SAMD5: variants seen among roughly 807,000 people sequenced by gnomAD.
SAMD5 encodes sterile alpha motif domain containing 5.
SAMD5 carries 13 observed loss-of-function variants against 11.3 expected under a neutral mutation model. That is an observed-to-expected ratio of 1.15 (90% CI 0.75 to 1.83). SAMD5 has a LOEUF of 1.83. SAMD5 is among the 40% of genes most tolerant of loss of function. The pLI is 0.00. For synonymous variants in SAMD5, 129 were observed against 111.3 expected (o/e 1.16, Z -1.00); for missense variants, 255 against 239.1 (o/e 1.07, Z -0.44).
intron 1 of SAMD5, among the ~76,000 whole-genome samples, chr6:147,563,836 T>G (rs942095710): frequency 6.6e-6 from 1 of 152,282 alleles, no homozygotes; most frequent in Admixed American, 6.5e-5. Flanking sequence ...GGTTTTTACA[T>G]GCCTATGTGA....
At chr6:147,607,153 A>G (rs1291344296) in intron 1 of SAMD5, among the ~76,000 whole-genome samples, 3 of 152,126 alleles carry the variant, frequency 2.0e-5, no homozygotes. Flanking sequence ...ACTCTCATAG[A>G]AGTTTGAATT....
the SAMD5 span, among the ~76,000 whole-genome samples, chr6:147,844,723 T>C: frequency 0.41 from 61,077 of 150,742 alleles, 13,630 homozygotes; most frequent in African/African-American, 0.61. Flanking sequence ...TGAGCCTAGA[T>C]GATATTATGT....
the SAMD5 span, among the ~76,000 whole-genome samples, chr6:147,789,096 C>CAA: frequency 9.9e-6 from 1 of 100,986 alleles, no homozygotes; most frequent in African/African-American, 4.8e-5. Flanking sequence ...AACAAACAAA[C>CAA]AAACAAAAAA....
At position 147,520,831 on chromosome 6, in the gene SAMD5, C is replaced by T. The variant is rs890006841; in HGVS notation, c.459+11444C>T. On this transcript the variant is annotated intron_variant, in intron 1 of 1. Coordinates refer to ENST00000367474, the MANE Select transcript of SAMD5 (RefSeq NM_001030060.3). ...TTGTGAAATGATTAAATCAAGCTAG[C>T]TTATCCATTACCTCACATACTTACG... 3.8e-4 allele frequency among the ~76,000 whole-genome samples: 58 copies of T among 152,204 alleles called. 1 individual carries two copies. The highest frequency in any genetic ancestry group is 3.6e-3 in the Admixed American group (55 of 15,288).
chr6:147,540,729 GC>G (rs1788586559), intron 1 of SAMD5, among the ~76,000 whole-genome samples: 1 of 151,838 alleles, frequency 6.6e-6, no homozygotes, highest in Admixed American at 6.6e-5. Context: ...TCAAACCCTT[GC>G]AGAGAGACAA....
At chr6:147,871,684 C>G in the SAMD5 span, among the ~76,000 whole-genome samples, 4 of 152,184 alleles carry the variant, frequency 2.6e-5, no homozygotes. Context: ...TATCTAGAAC[C>G]TTAAGCAACT....
At chr6:147,856,821 C>CGG in the SAMD5 span, among the ~76,000 whole-genome samples, 36 of 59,182 alleles carry the variant, frequency 6.1e-4, no homozygotes, top group East Asian at 2.0e-3. Context: ...TCTGGGGGCG[C>CGG]GGGGGGGGGG....
chr6:147,878,328 AG>A, the SAMD5 span, among the ~76,000 whole-genome samples: 2 of 151,760 alleles, frequency 1.3e-5, no homozygotes, highest in African/African-American at 4.8e-5. Context: ...CTCTTTTATA[AG>A]GACTGCGTTT....
Position 147,711,349 on chromosome 6 carries a change from C to T in SAMD5, c.163-25968C>T, listed in dbSNP as rs1240343948. On this transcript the variant is annotated intron_variant, in intron 1 of 1. Transcript: ENST00000566741. The surrounding 1 kb of genome is among the most constrained non-coding windows in gnomAD (Gnocchi z 4.1). Reference sequence around the variant, plus strand: ...TGATCCCCCAACCTGACCCTGTGCTCCCTGTCCCATTTCTAGCCATATCAT... The same window carrying T: ...TGATCCCCCAACCTGACCCTGTGCTTCCTGTCCCATTTCTAGCCATATCAT... 2.0e-5 allele frequency among the ~76,000 whole-genome samples: 3 copies of T among 152,104 alleles called. No homozygotes were observed. The highest frequency in any genetic ancestry group is 7.2e-5 in the African/African-American group (3 of 41,420).
At chr6:147,887,628 C>G in the SAMD5 span, among the ~76,000 whole-genome samples, 2 of 152,220 alleles carry the variant, frequency 1.3e-5, no homozygotes, top group South Asian at 4.1e-4. Flanking sequence ...AAATAGAACT[C>G]TGTGAACATT....
intron 1 of SAMD5, among the ~76,000 whole-genome samples, chr6:147,686,863 C>T (rs1417932480): frequency 1.3e-5 from 2 of 152,082 alleles, no homozygotes; most frequent in African/African-American, 4.8e-5. Flanking sequence ...CAACCTTCTT[C>T]ACTGTGGGTT....
chr6:147,511,198 G>C (rs1788082820), intron 1 of SAMD5, among the ~76,000 whole-genome samples: 1 of 152,328 alleles, frequency 6.6e-6, no homozygotes, highest in South Asian at 2.1e-4. Context: ...GTGGGCTGGA[G>C]GTGAGAAGCG....
At chr6:147,870,838 G>A in the SAMD5 span, among the ~76,000 whole-genome samples, 2 of 150,456 alleles carry the variant, frequency 1.3e-5, no homozygotes, top group Admixed American at 6.7e-5. Flanking sequence ...GAGGGAGGGA[G>A]GAAGGAAGGA....
intron 1 of SAMD5, among the ~76,000 whole-genome samples, chr6:147,668,280 AC>A (rs1204744179): frequency 1.1e-4 from 17 of 152,230 alleles, no homozygotes; most frequent in Admixed American, 9.8e-4. Context: ...ATATTTATCT[AC>A]AATATGCTTT....
At chr6:147,790,396 T>C in the SAMD5 span, among the ~76,000 whole-genome samples, 1 of 152,222 alleles carries the variant, frequency 6.6e-6, no homozygotes, top group Non-Finnish European at 1.5e-5. Context: ...AAGTCCTTAA[T>C]ATCTAAAACC....
At chr6:147,749,579 G>A in the SAMD5 span, among the ~76,000 whole-genome samples, 1 of 152,190 alleles carries the variant, frequency 6.6e-6, no homozygotes, top group Admixed American at 6.5e-5. Flanking sequence ...AATGAATAAA[G>A]GAGTACGAAT....
chr6:147,560,269 G>A lies in SAMD5; in HGVS notation c.460-4125G>A, dbSNP rs966291442. On this transcript the variant is annotated intron_variant, in intron 1 of 1. Coordinates refer to ENST00000367474, the MANE Select transcript of SAMD5 (RefSeq NM_001030060.3). ...GTCCTATAGTAACAGCCAGTGTAAC[G>A]TAGCTGAATGTTGGAAAACTGAAGT... Among the ~76,000 whole-genome samples the A allele has an allele frequency of 3.9e-5, 6 of 152,104 alleles. No individual in the cohort carries two copies. The East Asian group carries it at 5.8e-4, about 15-fold the overall frequency.
At chr6:147,890,004 C>T in the SAMD5 span, among the ~76,000 whole-genome samples, 1 of 152,310 alleles carries the variant, frequency 6.6e-6, no homozygotes, top group Non-Finnish European at 1.5e-5. Flanking sequence ...GGAACCCACT[C>T]TCTGCACCAT....
the SAMD5 span, among the ~76,000 whole-genome samples, chr6:147,794,751 G>C: frequency 1.3e-5 from 2 of 152,138 alleles, no homozygotes; most frequent in Non-Finnish European, 2.9e-5. Flanking sequence ...GTAAAGAACA[G>C]ATGTACAATA....
Sources: gnomAD v4.1 joint callset for allele counts (sites outside exome capture counted in the v4.1 genomes callset) on GRCh38, gnomAD v4.1.1 for gene constraint, Gnocchi (gnomAD v3.1) non-coding constraint, MANE v1.5 for transcripts, NCBI Gene and HGNC (gene_info 2026-07-23, HGNC 2026-07-21) for gene names.